The following MUC7 variants were observed in gnomAD, a reference collection of about 807,000 sequenced individuals.
The protein encoded by MUC7 is mucin 7, secreted, also known as mucin-7.
In MUC7, 2 loss-of-function variants were observed where a neutral mutation model predicts 2.5. That is an observed-to-expected ratio of 0.81 (90% CI 0.33 to 2.55). MUC7 has a LOEUF of 2.55. Ranked by LOEUF, MUC7 falls within the 30% of genes most tolerant of loss-of-function variation. The pLI is 0.11. For synonymous variants in MUC7, 133 were observed against 173.4 expected (o/e 0.77, Z 1.83); for missense variants, 408 against 455.6 (o/e 0.90, Z 0.95).
intron 1 of MUC7, among the ~76,000 whole-genome samples, chr4:70,456,114 C>T (rs1734403785): frequency 6.6e-6 from 1 of 152,146 alleles, no homozygotes; most frequent in African/African-American, 2.4e-5. Flanking sequence ...TTTCTCAGCC[C>T]TCCAGACTCT....
chr4:70,469,850 C>T (rs932409543), upstream of MUC7, among the ~76,000 whole-genome samples: 5 of 152,114 alleles, frequency 3.3e-5, no homozygotes, highest in African/African-American at 9.7e-5. Flanking sequence ...GACAGTGTAG[C>T]GATTCTGCAA....
chr4:70,469,076 A>C (rs1002385068), upstream of MUC7, among the ~76,000 whole-genome samples: 1 of 152,234 alleles, frequency 6.6e-6, no homozygotes, highest in African/African-American at 2.4e-5. Context: ...CCAATAGAAC[A>C]AAACAGAGGC....
In MUC7 at chr4:70,440,439, C is replaced by T. The variant is rs368796240; in HGVS notation, c.-93+9752C>T. Among the ~76,000 whole-genome samples, 78 of 152,114 alleles carry T rather than the reference C, an allele frequency of 5.1e-4. 2 individuals are homozygous for T. In the South Asian group the frequency reaches 0.016, roughly 30 times the overall value. On this transcript the variant is annotated intron_variant, in intron 1 of 3. Coordinates refer to the MUC7 transcript ENST00000413702. Reference sequence around the variant, plus strand: ...TGTCTTGTACATCTTTGAATTCCCCCGCATCTAACACTCTGCCCAGGACAA... The same window carrying T: ...TGTCTTGTACATCTTTGAATTCCCCTGCATCTAACACTCTGCCCAGGACAA...
intron 1 of MUC7, among the ~76,000 whole-genome samples, chr4:70,440,180 CTATTA>C (rs1733966499): frequency 6.6e-6 from 1 of 152,066 alleles, no homozygotes; most frequent in Admixed American, 6.6e-5. Context: ...GTTCCATATA[CTATTA>C]TATCTGCATA....
upstream of MUC7, among the ~76,000 whole-genome samples, chr4:70,467,720 A>G (rs186891907): frequency 6.6e-6 from 1 of 152,358 alleles, no homozygotes; most frequent in African/African-American, 2.4e-5. Context: ...GAAGAAATTG[A>G]ATCCCTGAAT....
intron 1 of MUC7, among the ~76,000 whole-genome samples, chr4:70,462,346 T>TA (rs1734576525): frequency 6.6e-6 from 1 of 152,254 alleles, no homozygotes; most frequent in Non-Finnish European, 1.5e-5. Context: ...CTAATTAACA[T>TA]ACTTTTTAAA....
rs569448730 is a variant in MUC7 at position 70,450,858 on chromosome 4, C to T, written c.-93+20171C>T. 6.6e-5 allele frequency among the ~76,000 whole-genome samples: 10 copies of T among 152,214 alleles called. No individual in the cohort carries two copies. The South Asian group carries it at 2.1e-3, about 32-fold the overall frequency. On this transcript the variant is annotated intron_variant, in intron 1 of 3. Coordinates refer to the MUC7 transcript ENST00000413702. ...GTCCTCCCCACCCTTCCCTTTCTCT[C>T]CTTAAATGGTAAGAAGGGGTCTCTT...
At chr4:70,450,431 A>G (rs1734252338) in intron 1 of MUC7, among the ~76,000 whole-genome samples, 1 of 152,202 alleles carries the variant, frequency 6.6e-6, no homozygotes, top group Admixed American at 6.5e-5. Flanking sequence ...CACTTGGCCT[A>G]GAGCCAAGCT....
intron 1 of MUC7, among the ~76,000 whole-genome samples, chr4:70,452,558 A>G (rs949779919): frequency 1.9e-5 from 1 of 51,400 alleles, no homozygotes; most frequent in African/African-American, 4.9e-5. Flanking sequence ...AAAAACAAAA[A>G]CAAAAAAAAA....
At chr4:70,467,106 C>G (rs1734703846) in intron 1 of MUC7, among the ~76,000 whole-genome samples, 1 of 152,174 alleles carries the variant, frequency 6.6e-6, no homozygotes, top group Non-Finnish European at 1.5e-5. Context: ...TTAAGAAACT[C>G]ACTCAAAACT....
chr4:70,479,525 G>A (rs1387108405), intron 2 of MUC7, among the ~76,000 whole-genome samples: 2 of 152,152 alleles, frequency 1.3e-5, no homozygotes, highest in East Asian at 3.9e-4. Flanking sequence ...TCATTAGGAA[G>A]AAAACGTAAC....
intron 1 of MUC7, among the ~76,000 whole-genome samples, chr4:70,464,055 C>G (rs866639741): frequency 1.3e-5 from 2 of 152,212 alleles, no homozygotes; most frequent in African/African-American, 4.8e-5. Context: ...ATACCTGGCT[C>G]ATCTCATTGG....
chr4:70,448,300 C>G (rs138300682), intron 1 of MUC7, among the ~76,000 whole-genome samples: 2 of 152,136 alleles, frequency 1.3e-5, no homozygotes, highest in Non-Finnish European at 2.9e-5. Flanking sequence ...TGGGTATACA[C>G]CTAGCAGTGG....
chr4:70,468,238 G>C (rs902387083), upstream of MUC7, among the ~76,000 whole-genome samples: 2 of 152,054 alleles, frequency 1.3e-5, no homozygotes, highest in Non-Finnish European at 2.9e-5. Flanking sequence ...AATAAACTAG[G>C]TATTGATGGA....
At chr4:70,471,675 G>T (rs1734839152), upstream of MUC7, among the ~76,000 whole-genome samples, 2 of 152,084 alleles carry the variant, frequency 1.3e-5, no homozygotes, top group East Asian at 3.8e-4. Flanking sequence ...AAGACAAAAA[G>T]TCAAAAATTG....
intron 1 of MUC7, among the ~76,000 whole-genome samples, chr4:70,466,590 A>G (rs1734689740): frequency 6.6e-6 from 1 of 152,168 alleles, no homozygotes; most frequent in African/African-American, 2.4e-5. Context: ...GGAAAGCAAA[A>G]AAAAAAGCAG....
At position 70,481,616 on chromosome 4, in the gene MUC7, C is replaced by T. The variant is rs72655156; in HGVS notation, c.872C>T (p.Thr291Ile). 0.018 allele frequency: 29,407 copies of T among 1,613,460 alleles called. 319 individuals carry two copies. The highest frequency in any genetic ancestry group is 0.022 in the Non-Finnish European group (25,439 of 1,179,972). Residue 291 changes from threonine to isoleucine, a missense_variant, in exon 3 of 3, where the codon ACA becomes ATA. Coordinates refer to ENST00000304887, the MANE Select transcript of MUC7 (RefSeq NM_152291.3). ...GCCCCACCCACACCTTCTGCAACTA[C>T]ACCAGCTCCACCGTCTTCCCCAGCT... ...TAAPPTPSAT[T>I]PAPPSSPAPQ... is the part of the protein sequence containing the mutation.
At chr4:70,444,544 C>G (rs1397027861) in intron 1 of MUC7, among the ~76,000 whole-genome samples, 1 of 152,208 alleles carries the variant, frequency 6.6e-6, no homozygotes, top group Non-Finnish European at 1.5e-5. Flanking sequence ...ACTCAACCTC[C>G]CCATCTAATA....
chr4:70,454,403 G>A (rs374939378), intron 1 of MUC7, among the ~76,000 whole-genome samples: 14 of 152,234 alleles, frequency 9.2e-5, no homozygotes, highest in African/African-American at 1.7e-4. Context: ...ACTTAAGCCC[G>A]GTTTTGTTTT....
Sources: gnomAD v4.1 joint callset for allele counts (sites outside exome capture counted in the v4.1 genomes callset) on GRCh38, gnomAD v4.1.1 for gene constraint, MANE v1.5 for transcripts, NCBI Gene and HGNC (gene_info 2026-07-23, HGNC 2026-07-21) for gene names.